The following SYNE1 variants were observed in gnomAD, a reference collection of about 807,000 sequenced individuals.
SYNE1 encodes the protein nesprin-1.
A neutral mutation model predicts 1,111.0 loss-of-function variants in SYNE1; 616 were observed. The ratio of observed to expected loss-of-function variants is 0.55; its 90% CI spans 0.52 to 0.59. SYNE1 has a LOEUF of 0.59. Ranked by LOEUF, SYNE1 falls within the 20% of genes least tolerant of loss-of-function variation. The probability of loss-of-function intolerance (pLI) is 0.00; values close to 1 mark genes in which losing one functional copy is unlikely to be tolerated. For missense variants in SYNE1, 10,006 were observed against 10,417.0 expected (o/e 0.96, Z 1.72); for synonymous variants, 3,855 against 3,825.8 (o/e 1.01, Z -0.28).
intron 14 of SYNE1, chr6:152,472,725 A>T (rs2098813644): frequency 3.0e-6 from 2 of 668,192 alleles, no homozygotes; most frequent in Non-Finnish European, 2.7e-6. Flanking sequence ...ACTGCTATGA[A>T]ATGATTTTAG....
rs1231035647 is a variant in SYNE1 at position 152,359,393 on chromosome 6, G to T, written c.10365C>A (p.Gly3455=). 1 of 1,614,160 alleles carries T rather than the reference G, an allele frequency of 6.2e-7. No homozygotes were observed. The highest frequency in any genetic ancestry group is 8.5e-7 in the Non-Finnish European group (1 of 1,180,044). The change falls in exon 65 of 146, where the codon GGC becomes GGA. Residue 3455 remains glycine (G), a synonymous_variant. Transcript: ENST00000367255. ...LLETIEVKGA[G]MTEHYVTQLE... ...GCTGGGTGACATAGTGTTCTGTCATGCCAGCCCCTTTGACTTCGATGGTCT... is the reference window on the plus strand; with the variant it reads ...GCTGGGTGACATAGTGTTCTGTCATTCCAGCCCCTTTGACTTCGATGGTCT...
intron 32 of SYNE1, among the ~76,000 whole-genome samples, chr6:152,436,936 C>T (rs2098479091): frequency 6.6e-6 from 1 of 151,630 alleles, no homozygotes; most frequent in Admixed American, 6.6e-5. Flanking sequence ...GAGGCTGAGG[C>T]AGGAGGATCA....
intron 66 of SYNE1, among the ~76,000 whole-genome samples, chr6:152,355,371 C>T (rs565984595): frequency 1.8e-4 from 28 of 152,166 alleles, no homozygotes; most frequent in Non-Finnish European, 4.0e-4. Context: ...TAGCTCAGTG[C>T]TACATTTGTG....
intron 101 of SYNE1, among the ~76,000 whole-genome samples, chr6:152,260,931 C>G (rs981056142): frequency 2.0e-5 from 3 of 152,160 alleles, no homozygotes; most frequent in African/African-American, 7.2e-5. Context: ...CAGTTCCTAA[C>G]AGGCCACGGA....
chr6:152,133,693 G>C (rs73625149), intron 142 of SYNE1: 124 of 599,768 alleles, frequency 2.1e-4, no homozygotes, highest in African/African-American at 1.9e-3. Flanking sequence ...ACCCCTGACC[G>C]TCTCTGATCT....
chr6:152,139,831 T>C, intron 140 of SYNE1, 119 bp downstream of exon 140: 1 of 1,031,930 alleles, frequency 9.7e-7, no homozygotes. Flanking sequence ...TCACTCATTT[T>C]TGTTAGATCC....
At chr6:152,574,701 T>C (rs1046161906) in intron 3 of SYNE1, among the ~76,000 whole-genome samples, 1 of 152,208 alleles carries the variant, frequency 6.6e-6, no homozygotes, top group Non-Finnish European at 1.5e-5. Flanking sequence ...TTTATATGTT[T>C]GCATGAAAGT....
Position 152,218,415 on chromosome 6 carries a change from CAAA to C in SYNE1, c.22045-15_22045-13del. On this transcript the variant is annotated splice_polypyrimidine_tract_variant and intron_variant, in intron 120 of 145. Coordinates refer to ENST00000367255, the MANE Select transcript of SYNE1 (RefSeq NM_182961.4). The stretch of plus-strand genomic sequence containing the variant: ...TCAAGAACTCCAGCCTTTTTTTCCA[CAAA>C]AGAAATTGGTATTTCAGTTAAAAAA... The C allele has an allele frequency of 6.3e-7, 1 of 1,598,952 alleles. No homozygotes were observed. The highest frequency in any genetic ancestry group is 8.5e-7 in the Non-Finnish European group (1 of 1,176,052).
chr6:152,479,222 A>G (rs1303383360), intron 14 of SYNE1, among the ~76,000 whole-genome samples: 1 of 152,094 alleles, frequency 6.6e-6, no homozygotes, highest in Admixed American at 6.5e-5. Flanking sequence ...AGAGGTCATG[A>G]TATTGGGAGG....
intron 3 of SYNE1, among the ~76,000 whole-genome samples, chr6:152,555,472 G>T (rs2099361849): frequency 6.6e-6 from 1 of 152,152 alleles, no homozygotes; most frequent in African/African-American, 2.4e-5. Context: ...ACATAGCCAA[G>T]GTGTGTAGTA....
At chr6:152,197,355 T>A (rs2074372868) in intron 127 of SYNE1, among the ~76,000 whole-genome samples, 1 of 152,248 alleles carries the variant, frequency 6.6e-6, no homozygotes. Context: ...TTCTGCTTCC[T>A]CAGGTCAAAT....
chr6:152,416,917 G>GT lies in SYNE1; in HGVS notation c.5519dup (p.His1840GlnfsTer8), dbSNP rs1563861400. ...AGTCCTCAGCCTTTCCCTGCAGGAG[G>GT]TGGAGGTCCTCAGCACGGCCCAGAG... On this transcript the variant is annotated frameshift_variant, in exon 41 of 146. Coordinates refer to ENST00000367255, the MANE Select transcript of SYNE1 (RefSeq NM_182961.4). LOFTEE classifies it high-confidence loss of function. The GT allele has an allele frequency of 1.2e-6, 2 of 1,614,110 alleles. No individual in the cohort carries two copies. Among genetic ancestry groups the GT allele is most frequent in the Non-Finnish European group, 1.7e-6 (2 of 1,180,002 alleles).
chr6:152,422,183 ACT>A, intron 39 of SYNE1, among the ~76,000 whole-genome samples: 1 of 152,234 alleles, frequency 6.6e-6, no homozygotes, highest in Non-Finnish European at 1.5e-5. Context: ...TCAGATTGCT[ACT>A]GCAATCTGAA....
Position 152,220,870 on chromosome 6 carries a change from T to C in SYNE1, c.21833A>G (p.Glu7278Gly), listed in dbSNP as rs770854594. ...GCAATCTTGAATCCATGTGGCAACC[T>C]CATCATCGGCAATGTCCTTGTTTGT... is the stretch of plus-strand genomic sequence containing the variant. ...AATNKDIADD[E>G]VATWIQDCND... The change falls in exon 119 of 146, where the codon GAG becomes GGG. Residue 7278 changes from glutamate (E) to glycine (G), a missense_variant. Transcript: ENST00000367255. 5.6e-6 allele frequency: 9 copies of C among 1,613,948 alleles called. No individual in the cohort carries two copies. Among genetic ancestry groups the C allele is most frequent in the Non-Finnish European group, 7.6e-6 (9 of 1,179,988 alleles).
chr6:152,170,119 T>A (rs2064811274), intron 130 of SYNE1, among the ~76,000 whole-genome samples: 1 of 152,174 alleles, frequency 6.6e-6, no homozygotes, highest in Admixed American at 6.5e-5. Context: ...GTTTACCTCA[T>A]GGAGTTAAAA....
chr6:152,502,791 A>T (rs757042641), intron 9 of SYNE1, 49 bp from the exon 10 acceptor site: 7 of 1,346,310 alleles, frequency 5.2e-6, no homozygotes. Context: ...CATTCATTGG[A>T]TTTTGATAAT....
Position 152,151,654 on chromosome 6 carries a change from G to A in SYNE1, c.24349C>T (p.Arg8117Trp), listed in dbSNP as rs144056525. ...IGQREEFETA[R>W]DSILVWLTEM... Reference sequence around the variant, plus strand: ...GTGAGCCAGACCAGAATGCTGTCCCGCGCAGTCTCAAACTCCTCACGCTGG... The same window carrying A: ...GTGAGCCAGACCAGAATGCTGTCCCACGCAGTCTCAAACTCCTCACGCTGG... Residue 8117 changes from arginine to tryptophan, a missense_variant, in exon 135 of 146, where the codon CGG becomes TGG. This residue lies in a region of SYNE1 where 34 missense variants were observed against 68.3 expected (regional missense o/e 0.50). Coordinates refer to ENST00000367255, the MANE Select transcript of SYNE1 (RefSeq NM_182961.4). 1,040 of 1,613,956 alleles carry A rather than the reference G, an allele frequency of 6.4e-4. 7 individuals carry two copies. The highest frequency in any genetic ancestry group is 1.3e-4 in the Non-Finnish European group (156 of 1,180,010).
At chr6:152,371,908 GAA>G in intron 59 of SYNE1, among the ~76,000 whole-genome samples, 1 of 69,426 alleles carries the variant, frequency 1.4e-5, no homozygotes, top group Non-Finnish European at 3.8e-5. Context: ...GAAAGGAAAG[GAA>G]AGGAAAGGAA....
chr6:152,331,979 T>A, intron 77 of SYNE1, 89 bp from the exon 78 acceptor site: 3 of 1,574,386 alleles, frequency 1.9e-6, no homozygotes, highest in Non-Finnish European at 2.6e-6. Context: ...CTTCACCATT[T>A]TCTTTTTGGA....
Sources: allele counts gnomAD v4.1 joint callset (sites outside exome capture counted in the v4.1 genomes callset), GRCh38; gene constraint gnomAD v4.1.1; regional missense constraint gnomAD v4.1.1; transcripts MANE v1.5; gene names NCBI Gene and HGNC (gene_info 2026-07-23, HGNC 2026-07-21).